Variants in PCDHA3 observed in about 807,000 individuals in gnomAD.
The protein encoded by PCDHA3 is protocadherin alpha-3.
Under a neutral mutation model 62.2 loss-of-function variants are expected in PCDHA3, and 41 were observed. That is an observed-to-expected ratio of 0.66 (90% CI 0.51 to 0.86). The LOEUF is 0.86. Ranked by LOEUF, PCDHA3 falls within the 40% of genes least tolerant of loss-of-function variation. The pLI is 0.00. For synonymous variants in PCDHA3, 640 were observed against 555.4 expected (o/e 1.15, Z -2.14); for missense variants, 1,304 against 1,241.2 (o/e 1.05, Z -0.76).
intron 1 of PCDHA3, among the ~76,000 whole-genome samples, chr5:140,897,430 C>A (rs1297820601): frequency 6.7e-6 from 1 of 148,618 alleles, no homozygotes; most frequent in East Asian, 2.0e-4. Flanking sequence ...TGAGTGAGAA[C>A]ATGCAGTGTT....
intron 1 of PCDHA3, among the ~76,000 whole-genome samples, chr5:140,941,270 T>C (rs1437273239): frequency 1.2e-4 from 17 of 136,774 alleles, no homozygotes; most frequent in Admixed American, 2.3e-4. Flanking sequence ...TCTTTCTTTC[T>C]TTCCTTCCTT....
chr5:140,871,179 G>C (rs374404426), intron 1 of PCDHA3: 44 of 1,613,428 alleles, frequency 2.7e-5, no homozygotes, highest in Non-Finnish European at 3.5e-5. Context: ...AGGCTGCGCT[G>C]GTGGATGTCA....
intron 1 of PCDHA3, chr5:140,869,294 T>C: frequency 1.9e-6 from 3 of 1,613,634 alleles, no homozygotes; most frequent in Non-Finnish European, 1.7e-6. Flanking sequence ...CAGCGCCTGT[T>C]CCGGGTGGCG....
intron 1 of PCDHA3, chr5:140,858,116 G>T: frequency 1.3e-6 from 2 of 1,597,882 alleles, no homozygotes; most frequent in Non-Finnish European, 1.7e-6. Context: ...GCCCGAGGTG[G>T]CCCTGGTGGA....
At chr5:140,863,023 G>T (rs782495275) in intron 1 of PCDHA3, 12 of 553,926 alleles carry the variant, frequency 2.2e-5, no homozygotes, top group South Asian at 1.5e-4. Context: ...CCTGGTTGTC[G>T]CAACAGCTGC....
At chr5:140,956,181 T>C (rs1351584707) in intron 1 of PCDHA3, among the ~76,000 whole-genome samples, 1 of 152,212 alleles carries the variant, frequency 6.6e-6, no homozygotes, top group South Asian at 2.1e-4. Flanking sequence ...CTTCCAATAC[T>C]ATGCTGAATA....
At chr5:140,925,938 T>C (rs1357099773) in intron 1 of PCDHA3, among the ~76,000 whole-genome samples, 1 of 138,492 alleles carries the variant, frequency 7.2e-6, no homozygotes, top group Non-Finnish European at 1.5e-5. Context: ...GTAGAGCCTC[T>C]TGGAGAAGGA....
intron 1 of PCDHA3, chr5:140,830,043 T>C: frequency 6.2e-7 from 1 of 1,613,664 alleles, no homozygotes; most frequent in South Asian, 1.1e-5. Flanking sequence ...CTGGTGCTGG[T>C]GAAAGACCAC....
At chr5:140,941,191 T>TCTTTC (rs1554213808) in intron 1 of PCDHA3, among the ~76,000 whole-genome samples, 2 of 93,206 alleles carry the variant, frequency 2.1e-5, no homozygotes, top group South Asian at 5.6e-4. Flanking sequence ...GCTTCTTTTT[T>TCTTTC]TTTCTTTCTT....
intron 1 of PCDHA3, chr5:140,843,297 T>C: frequency 6.3e-7 from 1 of 1,595,944 alleles, no homozygotes; most frequent in Non-Finnish European, 8.6e-7. Context: ...GAACCTGCGC[T>C]GACCGCCACG....
rs533097473 is a variant in PCDHA3 at position 140,902,214 on chromosome 5, T to C, written c.2395-76735T>C. ...CTCTCTCTCTCTTTCTTTTTTTTTT[T>C]TTTTTTTGAGATGAGGACTTGCTTT... On this transcript the variant is annotated intron_variant, in intron 1 of 3. Coordinates refer to ENST00000522353, the MANE Select transcript of PCDHA3 (RefSeq NM_018906.3). Among the ~76,000 whole-genome samples the C allele has an allele frequency of 1.3e-3, 198 of 150,584 alleles. 6 individuals are homozygous for C. The South Asian group carries it at 0.04, about 30-fold the overall frequency.
chr5:140,936,016 C>G (rs1170221921), intron 1 of PCDHA3, among the ~76,000 whole-genome samples: 1 of 151,732 alleles, frequency 6.6e-6, no homozygotes, highest in Non-Finnish European at 1.5e-5. Context: ...CCTCAGCCTC[C>G]CGAGTAGCGG....
intron 1 of PCDHA3, among the ~76,000 whole-genome samples, chr5:140,975,438 A>T (rs1436743661): frequency 5.9e-5 from 9 of 152,234 alleles, no homozygotes; most frequent in African/African-American, 1.7e-4. Flanking sequence ...ACACCAGGAT[A>T]TAGGGATCTT....
chr5:140,863,737 A>G (rs758176321), intron 1 of PCDHA3: 1 of 251,160 alleles, frequency 4.0e-6, no homozygotes, highest in East Asian at 1.0e-4. Flanking sequence ...GCTCATGCCT[A>G]TTTGTAATCC....
At chr5:140,967,921 C>G (rs781932025) in intron 1 of PCDHA3, 1 of 1,614,172 alleles carries the variant, frequency 6.2e-7, no homozygotes, top group East Asian at 2.2e-5. Flanking sequence ...CCATTGTGGC[C>G]GTTCTCAGTG....
chr5:140,822,805 G>T (rs2150119492), intron 1 of PCDHA3: 2 of 1,614,160 alleles, frequency 1.2e-6, no homozygotes, highest in Non-Finnish European at 1.7e-6. Context: ...GGATGTGAAT[G>T]ATAATACCCC....
At chr5:140,822,091 G>T in intron 1 of PCDHA3, 1 of 1,614,242 alleles carries the variant, frequency 6.2e-7, no homozygotes, top group Non-Finnish European at 8.5e-7. Context: ...CATCCACCTG[G>T]AGGTGATCGT....
intron 1 of PCDHA3, chr5:140,877,158 G>A (rs781901798): frequency 1.2e-6 from 2 of 1,613,808 alleles, no homozygotes; most frequent in Admixed American, 3.3e-5. Context: ...ACGACAACGC[G>A]CCGGCACTGC....
intron 1 of PCDHA3, chr5:140,809,002 G>C: frequency 6.2e-7 from 1 of 1,613,678 alleles, no homozygotes; most frequent in South Asian, 1.1e-5. Context: ...GCTACAACGC[G>C]TGGCTTTCGT....
Sources: allele counts gnomAD v4.1 joint callset (sites outside exome capture counted in the v4.1 genomes callset), GRCh38; gene constraint gnomAD v4.1.1; transcripts MANE v1.5; gene names NCBI Gene and HGNC (gene_info 2026-07-23, HGNC 2026-07-21).